The following UCK2 variants were observed in gnomAD, a reference collection of about 807,000 sequenced individuals.
UCK2 encodes the protein uridine-cytidine kinase 2.
Under a neutral mutation model 30.8 loss-of-function variants are expected in UCK2, and 6 were observed. The ratio of observed to expected loss-of-function variants is 0.19; its 90% CI spans 0.11 to 0.38. UCK2 has a LOEUF of 0.38. Among genes scored for constraint, UCK2 ranks in the 10% least tolerant of loss-of-function variants. UCK2 has a pLI of 1.00. For missense variants in UCK2, 210 were observed against 339.8 expected (o/e 0.62, Z 3.00); for synonymous variants, 125 against 133.6 (o/e 0.94, Z 0.45).
intron 3 of UCK2, chr1:165,895,490 T>TG: frequency 1.0e-6 from 1 of 985,386 alleles, no homozygotes; most frequent in Non-Finnish European, 1.2e-6. Context: ...CCATGTGGGT[T>TG]GGGTGGATGA....
Position 165,827,782 on chromosome 1 carries a change from G to A in UCK2, c.-52G>A, listed in dbSNP as rs1571258247. 2 of 1,316,860 alleles carry A rather than the reference G, an allele frequency of 1.5e-6. No individual in the cohort carries two copies. The highest frequency in any genetic ancestry group is 2.0e-6 in the Non-Finnish European group (2 of 1,020,216). 81.6% of individuals were successfully genotyped at this position (1,316,860 alleles called of 1,614,324 possible). Reference sequence around the variant, plus strand: ...GAGGGAGTCCGACGCGGGCGCGGGCGGGGAGCGTGCGTCCGTTCGCACAGG... The same window carrying A: ...GAGGGAGTCCGACGCGGGCGCGGGCAGGGAGCGTGCGTCCGTTCGCACAGG... On this transcript the variant is annotated 5_prime_UTR_variant, in exon 1 of 7. Coordinates refer to ENST00000367879, the MANE Select transcript of UCK2 (RefSeq NM_012474.5).
At chr1:165,828,538 C>T (rs1303314518) in intron 1 of UCK2, among the ~76,000 whole-genome samples, 1 of 152,228 alleles carries the variant, frequency 6.6e-6, no homozygotes, top group Non-Finnish European at 1.5e-5. Context: ...GGTGCCGTGA[C>T]ATCAATGAAA....
At chr1:165,852,577 G>C (rs1292221398) in intron 1 of UCK2, among the ~76,000 whole-genome samples, 3 of 152,242 alleles carry the variant, frequency 2.0e-5, no homozygotes, top group Non-Finnish European at 4.4e-5. Flanking sequence ...GGATGCTGAC[G>C]AGACTGTGGA....
At chr1:165,854,598 AAAATAAATAAATAAATAAAT>A (rs10571444) in intron 1 of UCK2, among the ~76,000 whole-genome samples, 10 of 143,688 alleles carry the variant, frequency 7.0e-5, no homozygotes, top group Admixed American at 2.8e-4. Flanking sequence ...TCCTTTTTTA[AAAATAAATAAATAAATAAAT>A]AAATAAATAA....
intron 1 of UCK2, among the ~76,000 whole-genome samples, chr1:165,868,470 TTCA>T (rs1318341612): frequency 2.0e-5 from 3 of 152,260 alleles, no homozygotes; most frequent in African/African-American, 7.2e-5. Flanking sequence ...TGTAGCTACC[TTCA>T]TCAGTTATTT....
At chr1:165,907,605 C>T in intron 6 of UCK2, 79 bp from the exon 7 acceptor site, 2 of 1,533,714 alleles carry the variant, frequency 1.3e-6, no homozygotes, top group Non-Finnish European at 1.8e-6. Flanking sequence ...CCTGCATGCC[C>T]TTCCCCCAGA....
At chr1:165,856,479 A>G (rs189361258) in intron 1 of UCK2, among the ~76,000 whole-genome samples, 2 of 129,338 alleles carry the variant, frequency 1.5e-5, no homozygotes, top group East Asian at 2.2e-4. Context: ...TGAGCTTCAG[A>G]GGCATTTAGC....
chr1:165,895,125 T>C (rs1655862775), intron 3 of UCK2, among the ~76,000 whole-genome samples: 1 of 152,170 alleles, frequency 6.6e-6, no homozygotes, highest in Admixed American at 6.5e-5. Context: ...TTTTGAAAAG[T>C]CATGTTGGTT....
intron 1 of UCK2, among the ~76,000 whole-genome samples, chr1:165,836,515 G>T (rs1654196471): frequency 6.6e-6 from 1 of 152,100 alleles, no homozygotes; most frequent in South Asian, 2.1e-4. Flanking sequence ...TGGATTTTTT[G>T]AATCAACTAG....
intron 1 of UCK2, among the ~76,000 whole-genome samples, chr1:165,870,948 G>T (rs560468004): frequency 6.6e-6 from 1 of 152,180 alleles, no homozygotes; most frequent in Non-Finnish European, 1.5e-5. Context: ...CTCCCAAGTA[G>T]CTGGGATTAC....
chr1:165,879,658 T>C (rs1655433115), intron 1 of UCK2, among the ~76,000 whole-genome samples: 1 of 151,934 alleles, frequency 6.6e-6, no homozygotes, highest in Admixed American at 6.6e-5. Flanking sequence ...GTGGTCTATG[T>C]GGCTTTGGGA....
intron 1 of UCK2, among the ~76,000 whole-genome samples, chr1:165,869,151 A>T (rs146757223): frequency 7.9e-4 from 121 of 152,282 alleles, no homozygotes; most frequent in African/African-American, 2.8e-3. Context: ...GGTTGGTGGC[A>T]CCCCGAAATA....
intron 4 of UCK2, among the ~76,000 whole-genome samples, chr1:165,900,955 T>C (rs1458926281): frequency 6.6e-6 from 1 of 152,248 alleles, no homozygotes; most frequent in Non-Finnish European, 1.5e-5. Flanking sequence ...CTTTGGGCTT[T>C]ATCTGGAGAC....
At chr1:165,879,213 G>C (rs1365905676) in intron 1 of UCK2, among the ~76,000 whole-genome samples, 2 of 151,952 alleles carry the variant, frequency 1.3e-5, no homozygotes, top group East Asian at 3.8e-4. Flanking sequence ...GTTATATTTT[G>C]GATAACAACC....
intron 1 of UCK2, among the ~76,000 whole-genome samples, chr1:165,836,906 C>T (rs1427649886): frequency 6.6e-6 from 1 of 152,178 alleles, no homozygotes; most frequent in African/African-American, 2.4e-5. Flanking sequence ...GAGTGCCTGA[C>T]ACCTGGCCTT....
At chr1:165,850,972 G>C (rs1380135961) in intron 1 of UCK2, among the ~76,000 whole-genome samples, 1 of 131,352 alleles carries the variant, frequency 7.6e-6, no homozygotes, top group East Asian at 2.3e-4. Flanking sequence ...AATGGGTCTC[G>C]CTATGTTGCT....
At chr1:165,846,525 G>T (rs1320277234) in intron 1 of UCK2, among the ~76,000 whole-genome samples, 1 of 152,168 alleles carries the variant, frequency 6.6e-6, no homozygotes, top group African/African-American at 2.4e-5. Flanking sequence ...GGTGGTAGCA[G>T]ACAGTTTACC....
chr1:165,901,899 C>T (rs1041540960), intron 4 of UCK2, among the ~76,000 whole-genome samples: 1 of 128,926 alleles, frequency 7.8e-6, no homozygotes, highest in Admixed American at 8.8e-5. Flanking sequence ...CACTTGAGCC[C>T]AAGAATTCAA....
At position 165,832,587 on chromosome 1, in the gene UCK2, C is replaced by CT. The variant is rs756629313; in HGVS notation, c.99+4656dup. ...GGGAACTTTTGACTTAGTGGTAGGA[C>CT]TGGGATTAGGATCTAGGGTTTTATT... On this transcript the variant is annotated intron_variant, in intron 1 of 6. Coordinates refer to ENST00000367879, the MANE Select transcript of UCK2 (RefSeq NM_012474.5). Among the ~76,000 whole-genome samples, 18 of 152,158 alleles carry CT rather than the reference C, an allele frequency of 1.2e-4. No individual in the cohort carries two copies. In the South Asian group the frequency reaches 3.7e-3, roughly 32 times the overall value.
Sources: allele counts gnomAD v4.1 joint callset (sites outside exome capture counted in the v4.1 genomes callset), GRCh38; gene constraint gnomAD v4.1.1; transcripts MANE v1.5; gene names NCBI Gene and HGNC (gene_info 2026-07-23, HGNC 2026-07-21).